CCDC158: variants seen among roughly 807,000 people sequenced by gnomAD.
The protein encoded by CCDC158 is coiled-coil domain containing 158, also known as coiled-coil domain-containing protein 158.
CCDC158 carries 116 observed loss-of-function variants against 138.6 expected under a neutral mutation model. That is an observed-to-expected ratio of 0.84 (90% CI 0.72 to 0.98). CCDC158 has a LOEUF of 0.98. Among genes scored for constraint, CCDC158 ranks in the 50% least tolerant of loss-of-function variants. The pLI is 0.00. For missense variants in CCDC158, 1,265 were observed against 1,306.1 expected, an observed-to-expected ratio of 0.97 and a Z score of 0.48; for synonymous variants, 436 against 442.4, an observed-to-expected ratio of 0.99 and a Z score of 0.18.
chr4:76,416,496 A>G (rs1268323354), intron 1 of CCDC158, among the ~76,000 whole-genome samples: 2 of 152,052 alleles, frequency 1.3e-5, no homozygotes, highest in Non-Finnish European at 2.9e-5. Flanking sequence ...TCTCCAGGCC[A>G]TGTCAGAGAC....
At chr4:76,382,790 T>A in intron 7 of CCDC158, 70 bp from the exon 8 acceptor site, 1 of 1,061,654 alleles carries the variant, frequency 9.4e-7, no homozygotes, top group Non-Finnish European at 1.4e-6. Context: ...TTTTAAAAAT[T>A]AATGATTTTC....
intron 22 of CCDC158, among the ~76,000 whole-genome samples, chr4:76,326,674 A>G (rs927371107): frequency 6.6e-6 from 1 of 152,234 alleles, no homozygotes; most frequent in African/African-American, 2.4e-5. Context: ...TAAATAAGCA[A>G]TAATTAAACT....
At position 76,384,276 on chromosome 4, in the gene CCDC158, G is replaced by A. The variant is rs772363562; in HGVS notation, c.538C>T (p.Leu180Phe). Residue 180 changes from leucine to phenylalanine, a missense_variant, in exon 6 of 25, where the codon CTT (leucine) becomes TTT (phenylalanine). Physicochemically the swap from Leu to Phe is conservative, Grantham distance 22. Transcript: ENST00000682701. ...TQIEQLRKMMLSHEGVLQEIR... is the reference protein window; with the variant it reads ...TQIEQLRKMMFSHEGVLQEIR... Reference sequence around the variant, plus strand: ...TCTTGAAGCACTCCCTCATGACTAAGCATCATTTTTCGTAGTTGCTCTATC... The same window carrying A: ...TCTTGAAGCACTCCCTCATGACTAAACATCATTTTTCGTAGTTGCTCTATC... 172 of 1,613,960 alleles carry A rather than the reference G, an allele frequency of 1.1e-4. No individual in the cohort carries two copies. Among genetic ancestry groups the A allele is most frequent in the Non-Finnish European group, 1.3e-4 (152 of 1,180,020 alleles).
At chr4:76,319,207 G>A (rs1405777959) in intron 24 of CCDC158, among the ~76,000 whole-genome samples, 3 of 151,644 alleles carry the variant, frequency 2.0e-5, no homozygotes, top group Non-Finnish European at 4.4e-5. Context: ...GGGAGGCAGA[G>A]CTGGCAGTGA....
intron 24 of CCDC158, among the ~76,000 whole-genome samples, 186 bp downstream of exon 24, chr4:76,323,116 T>G (rs932024): frequency 6.6e-6 from 1 of 151,902 alleles, no homozygotes; most frequent in Non-Finnish European, 1.5e-5. Context: ...AGGGCAAGAG[T>G]GACCTGCCCA....
chr4:76,397,713 T>C (rs1727955006), intron 3 of CCDC158, among the ~76,000 whole-genome samples: 1 of 152,218 alleles, frequency 6.6e-6, no homozygotes, highest in Admixed American at 6.5e-5. Context: ...AAGAACTCTA[T>C]GGTATTGGAT....
At chr4:76,382,525 G>A in intron 8 of CCDC158, 85 bp downstream of exon 8, 2 of 836,816 alleles carry the variant, frequency 2.4e-6, no homozygotes, top group Admixed American at 4.8e-5. Flanking sequence ...TACTAAGCAA[G>A]TTCTAAAAGA....
intron 9 of CCDC158, among the ~76,000 whole-genome samples, 156 bp from the exon 10 acceptor site, chr4:76,371,692 C>T (rs377513886): frequency 1.3e-5 from 2 of 152,258 alleles, no homozygotes; most frequent in African/African-American, 4.8e-5. Context: ...AATCCCAGCA[C>T]TTTGGGAGGC....
chr4:76,388,259 G>T (rs1183777360), intron 4 of CCDC158, among the ~76,000 whole-genome samples: 1 of 152,182 alleles, frequency 6.6e-6, no homozygotes, highest in Non-Finnish European at 1.5e-5. Flanking sequence ...GTCGGGTAGA[G>T]CAACAAGCAG....
At chr4:76,377,571 A>T (rs983183562) in intron 9 of CCDC158, among the ~76,000 whole-genome samples, 57 of 152,296 alleles carry the variant, frequency 3.7e-4, no homozygotes, top group African/African-American at 1.3e-3. Flanking sequence ...CTTTTGGTAT[A>T]GGCTTGGTCT....
rs1171664271 is a variant in CCDC158 at position 76,382,706 on chromosome 4, A to G, written c.818T>C (p.Ile273Thr). The change falls in exon 8 of 25, where the codon ATA becomes ACA. Residue 273 changes from isoleucine to threonine, a missense_variant. Physicochemically the swap from Ile to Thr is moderately conservative, Grantham distance 89. Coordinates refer to ENST00000682701, the MANE Select transcript of CCDC158 (RefSeq NM_001394954.1). Reference sequence around the variant, plus strand: ...TGTTATTTCAACTTCATGTTCACTTATTAACTGCTCAATCCTATAAAAAGA... The same window carrying G: ...TGTTATTTCAACTTCATGTTCACTTGTTAACTGCTCAATCCTATAAAAAGA... ...QQHQDRIEQL[I>T]SEHEVEITGL... 9.3e-6 allele frequency: 15 copies of G among 1,609,602 alleles called. No individual in the cohort carries two copies. The highest frequency in any genetic ancestry group is 1.6e-4 in the Middle Eastern group (1 of 6,076).
chr4:76,408,699 C>T (rs1263082864), intron 2 of CCDC158, among the ~76,000 whole-genome samples: 1 of 152,124 alleles, frequency 6.6e-6, no homozygotes, highest in Admixed American at 6.6e-5. Flanking sequence ...TGCATATATA[C>T]CCAGTAATGG....
chr4:76,410,987 TAA>T (rs1363885514), intron 2 of CCDC158, among the ~76,000 whole-genome samples: 1 of 152,190 alleles, frequency 6.6e-6, no homozygotes, highest in Non-Finnish European at 1.5e-5. Context: ...CTCAAAAGAA[TAA>T]GAGTTAACTG....
intron 3 of CCDC158, chr4:76,402,249 C>T (rs758397363): frequency 6.6e-6 from 1 of 152,234 alleles, no homozygotes; most frequent in African/African-American, 2.4e-5. Flanking sequence ...CTCTGTCCTT[C>T]CCCTTCTCTG....
At chr4:76,347,210 ATAAAGAC>A (rs1722638880) in intron 18 of CCDC158, among the ~76,000 whole-genome samples, 1 of 152,230 alleles carries the variant, frequency 6.6e-6, no homozygotes, top group Non-Finnish European at 1.5e-5. Flanking sequence ...TCATTCTGCT[ATAAAGAC>A]ACATGCACAT....
At chr4:76,373,145 G>A (rs1230268917) in intron 9 of CCDC158, among the ~76,000 whole-genome samples, 8 of 152,154 alleles carry the variant, frequency 5.3e-5, no homozygotes, top group African/African-American at 1.9e-4. Flanking sequence ...CACCGCGCCC[G>A]GCCTCTATAG....
intron 24 of CCDC158, among the ~76,000 whole-genome samples, chr4:76,320,769 G>C (rs778149080): frequency 6.6e-6 from 1 of 151,660 alleles, no homozygotes; most frequent in African/African-American, 2.4e-5. Flanking sequence ...ACTCAAGATG[G>C]GTCAAAGACC....
chr4:76,396,659 T>C (rs1727839572), intron 3 of CCDC158, among the ~76,000 whole-genome samples, 173 bp from the exon 4 acceptor site: 2 of 152,066 alleles, frequency 1.3e-5, no homozygotes, highest in South Asian at 4.2e-4. Flanking sequence ...TACAGGAGCG[T>C]GCCACCATGC....
intron 9 of CCDC158, among the ~76,000 whole-genome samples, chr4:76,375,994 C>T (rs1376338219): frequency 2.0e-5 from 3 of 151,892 alleles, no homozygotes; most frequent in Non-Finnish European, 2.9e-5. Flanking sequence ...TACTGCCCCT[C>T]ATAAAACATG....
Sources: gnomAD v4.1 joint callset for allele counts (sites outside exome capture counted in the v4.1 genomes callset) on GRCh38, gnomAD v4.1.1 for gene constraint, MANE v1.5 for transcripts, NCBI Gene and HGNC (gene_info 2026-07-23, HGNC 2026-07-21) for gene names.